P3H3: variants seen among roughly 807,000 people sequenced by gnomAD.
P3H3 encodes prolyl 3-hydroxylase 3, also known as gene rich cluster, B.
In P3H3, 64 loss-of-function variants were observed where a neutral mutation model predicts 78.1. The ratio of observed to expected loss-of-function variants is 0.82; its 90% CI spans 0.67 to 1.01. P3H3 has a LOEUF of 1.01. P3H3 is among the 50% of genes least tolerant of loss of function. P3H3 has a pLI of 0.00. For missense variants in P3H3, 975 were observed against 982.2 expected, an observed-to-expected ratio of 0.99 and a Z score of 0.10; for synonymous variants, 425 against 416.7, an observed-to-expected ratio of 1.02 and a Z score of -0.24.
rs1129649 is a variant in P3H3 at position 6,839,304 on chromosome 12, T to C, written c.2054T>C (p.Ile685Thr). The change falls in exon 15 of 15, where the codon ATA (isoleucine) becomes ACA (threonine). Residue 685 changes from isoleucine to threonine, a missense_variant. Ile to Thr is a moderately conservative substitution (Grantham distance 89). Coordinates refer to ENST00000290510, the MANE Select transcript of P3H3 (RefSeq NM_014262.5). ...TCTCCTCCCCAACCCCAGGAGTGGA[T>C]AGAAGCCAAAGAACTGCTGCAGGAG... is the stretch of plus-strand genomic sequence containing the variant. ...WAPEHREQEW[I>T]EAKELLQESQ... 0.36 allele frequency: 565,647 copies of C among 1,552,430 alleles called. 104,063 individuals carry two copies. The highest frequency in any genetic ancestry group is 0.38 in the African/African-American group (28,002 of 72,908).
rs782038766 is a variant in P3H3, at chr12:6,830,672, G to T, written c.887G>T (p.Arg296Leu). The T allele has an allele frequency of 1.9e-6, 3 of 1,613,258 alleles. No individual in the cohort carries two copies. Among genetic ancestry groups the T allele is most frequent in the East Asian group, 4.5e-5 (2 of 44,890 alleles). Residue 296 changes from arginine (R) to leucine (L), a missense_variant, in exon 4 of 15, where the codon CGC (arginine) becomes CTC (leucine). Physicochemically the swap from Arg to Leu is moderately radical, Grantham distance 102. Coordinates refer to ENST00000290510, the MANE Select transcript of P3H3 (RefSeq NM_014262.5). ...HWIQVLQCRQ[R>L]CVGETATRPG... is the part of the protein sequence containing the mutation. Reference sequence around the variant, plus strand: ...ATTCAGGTCCTGCAGTGCCGGCAACGCTGTGTGGGGGAAACAGCCACACGC... The same window carrying T: ...ATTCAGGTCCTGCAGTGCCGGCAACTCTGTGTGGGGGAAACAGCCACACGC...
chr12:6,836,999 T>A lies in P3H3; in HGVS notation c.1473T>A (p.Ala491=). ...LLQLAKDAAG[A]GARSGYRGRR... Reference sequence around the variant, plus strand: ...TTCCTATTTAGGATGCAGCTGGGGCTGGAGCCAGGTCTGGCTATCGTGGTC... The same window carrying A: ...TTCCTATTTAGGATGCAGCTGGGGCAGGAGCCAGGTCTGGCTATCGTGGTC... The change falls in exon 10 of 15, where the codon GCT becomes GCA. Residue 491 remains alanine, a synonymous_variant. Coordinates refer to ENST00000290510, the MANE Select transcript of P3H3 (RefSeq NM_014262.5). 6.2e-7 allele frequency: 1 copy of A among 1,610,876 alleles called. No individual in the cohort carries two copies. The highest frequency in any genetic ancestry group is 8.5e-7 in the Non-Finnish European group (1 of 1,179,366).
rs1345031698 is a variant in P3H3 at position 6,839,585 on chromosome 12, C to A, written c.*124C>A. ...GAACAGCAAGCTCTCTGTCCCTGCA[C>A]CCCCACCATCTTGGGGACCTACAAG... On this transcript the variant is annotated 3_prime_UTR_variant, in exon 15 of 15. Transcript: ENST00000290510. The A allele has an allele frequency of 1.7e-6, 2 of 1,167,550 alleles. No homozygotes were observed. The highest frequency in any genetic ancestry group is 2.6e-5 in the East Asian group (1 of 38,918). 72.3% of individuals were successfully genotyped at this position (1,167,550 alleles called of 1,614,324 possible). A position where few individuals can be genotyped will look rare whatever the true frequency, so the allele number is the denominator to read the frequency against.
In P3H3 at chr12:6,829,708, C is replaced by A; in HGVS notation, c.499-151C>A. 1 of 745,536 alleles carries A rather than the reference C, an allele frequency of 1.3e-6. No homozygotes were observed. Among genetic ancestry groups the A allele is most frequent in the Non-Finnish European group, 2.3e-6 (1 of 443,756 alleles). 46.2% of individuals were successfully genotyped at this position (745,536 alleles called of 1,614,324 possible). A position where few individuals can be genotyped will look rare whatever the true frequency, so the allele number is the denominator to read the frequency against. On this transcript the variant is annotated intron_variant, in intron 1 of 14. Transcript: ENST00000290510. This position sits in a 1 kb window ranked among gnomAD's most constrained non-coding sequence, Gnocchi z 5.1. Reference sequence around the variant, plus strand: ...TCTGGCCTCTAGGGGATCTGCAGTTCGGGCGGTGGGCGGTTCTGATTGGCC... The same window carrying A: ...TCTGGCCTCTAGGGGATCTGCAGTTAGGGCGGTGGGCGGTTCTGATTGGCC...
Position 6,829,772 on chromosome 12 carries a change from C to A in P3H3, c.499-87C>A. On this transcript the variant is annotated intron_variant, in intron 1 of 14. Transcript: ENST00000290510. The surrounding 1 kb of genome is among the most constrained non-coding windows in gnomAD (Gnocchi z 5.1). ...GCTCTGGGGCACCCAGAGTGTGTGT[C>A]TGGGGTAGGGTGGGGAGGCTGGCCA... 6.9e-7 allele frequency: 1 copy of A among 1,449,504 alleles called. No homozygotes were observed. Among genetic ancestry groups the A allele is most frequent in the Non-Finnish European group, 9.6e-7 (1 of 1,041,846 alleles). The allele number at this position is 1,449,504 out of a possible 1,614,324, so 89.8% of individuals were successfully genotyped here. A position where few individuals can be genotyped will look rare whatever the true frequency, so the allele number is the denominator to read the frequency against.
chr12:6,837,924 G>A, intron 12 of P3H3, 34 bp from the exon 13 acceptor site: 1 of 1,593,720 alleles, frequency 6.3e-7, no homozygotes, highest in Non-Finnish European at 8.5e-7. Context: ...CCTGGGTTGG[G>A]GTCTCACTGC....
rs1347795157 is a variant in P3H3 at position 6,829,668 on chromosome 12, T to G, written c.499-191T>G. 1.6e-6 allele frequency: 1 copy of G among 624,184 alleles called. No homozygotes were observed. Among genetic ancestry groups the G allele is most frequent in the African/African-American group, 1.9e-5 (1 of 53,914 alleles). 38.7% of individuals were successfully genotyped at this position (624,184 alleles called of 1,614,324 possible). On this transcript the variant is annotated intron_variant, in intron 1 of 14. Coordinates refer to ENST00000290510, the MANE Select transcript of P3H3 (RefSeq NM_014262.5). The surrounding 1 kb of genome is among the most constrained non-coding windows in gnomAD (Gnocchi z 5.1). The stretch of plus-strand genomic sequence containing the variant: ...CCCCTTTCCCTCGGTGCCAGCCTTC[T>G]GAGAGTCCCAACGTTCTGGCCTCTA...
Position 6,831,289 on chromosome 12 carries a change from G to A in P3H3, c.1059G>A (p.Lys353=). 1 of 1,613,910 alleles carries A rather than the reference G, an allele frequency of 6.2e-7. No individual in the cohort carries two copies. The highest frequency in any genetic ancestry group is 8.5e-7 in the Non-Finnish European group (1 of 1,179,844). ...TCTACCCGGAGGATGAGGCTGCCAA[G>A]AGGGCTCTGAACCAGTACCAGGCCC... The part of the protein sequence containing the change: ...LLFYPEDEAA[K]RALNQYQAQL... Residue 353 remains lysine, a synonymous_variant, in exon 5 of 15, where the codon AAG becomes AAA. Transcript: ENST00000290510. This position sits in a 1 kb window ranked among gnomAD's most constrained non-coding sequence, Gnocchi z 4.6.
At position 6,828,420 on chromosome 12, in the gene P3H3, G is replaced by A. The variant is rs782472860; in HGVS notation, c.-21G>A. 10 of 528,312 alleles carry A rather than the reference G, an allele frequency of 1.9e-5. No individual in the cohort carries two copies. The South Asian group carries it at 2.5e-4, about 13-fold the overall frequency. The allele number at this position is 528,312 out of a possible 1,614,324, so 32.7% of individuals were successfully genotyped here. A position where few individuals can be genotyped will look rare whatever the true frequency, so the allele number is the denominator to read the frequency against. On this transcript the variant is annotated 5_prime_UTR_variant, in exon 1 of 15. Coordinates refer to ENST00000290510, the MANE Select transcript of P3H3 (RefSeq NM_014262.5). ...CTCTCGGCTCCCGCATTTCCCCTCG[G>A]CTGCCGGCGGCTCCGACATCATGCT...
Position 6,839,538 on chromosome 12 carries a change from C to T in P3H3, c.*77C>T, listed in dbSNP as rs1943539726. On this transcript the variant is annotated 3_prime_UTR_variant, in exon 15 of 15. Coordinates refer to ENST00000290510, the MANE Select transcript of P3H3 (RefSeq NM_014262.5). ...TCTTGATGCCAGGACACACAGGAAG[C>T]CCCTGTGTGACATCAGGAGCAGAAC... 4 of 1,466,012 alleles carry T rather than the reference C, an allele frequency of 2.7e-6. No individual in the cohort carries two copies. Among genetic ancestry groups the T allele is most frequent in the Non-Finnish European group, 3.7e-6 (4 of 1,093,184 alleles). 90.8% of individuals were successfully genotyped at this position (1,466,012 alleles called of 1,614,324 possible).
Position 6,837,871 on chromosome 12 carries a change from C to T in P3H3, c.1829+22C>T, listed in dbSNP as rs782514960. 11 of 1,598,900 alleles carry T rather than the reference C, an allele frequency of 6.9e-6. 1 individual carries two copies. The South Asian group carries it at 1.2e-4, about 18-fold the overall frequency. ...ACAGGTGGGCAGCCCCTCTAGTGGT[C>T]AGGCAGGTGGGCAGACAAAGGTCAT... On this transcript the variant is annotated intron_variant, in intron 12 of 14. Coordinates refer to ENST00000290510, the MANE Select transcript of P3H3 (RefSeq NM_014262.5).
chr12:6,837,922 G>A (rs1555122468), intron 12 of P3H3, 36 bp from the exon 13 acceptor site: 2 of 1,593,332 alleles, frequency 1.3e-6, no homozygotes, highest in South Asian at 2.3e-5. Flanking sequence ...GGCCTGGGTT[G>A]GGGTCTCACT....
rs1314926002 is a variant in P3H3, at chr12:6,829,047, G to C, written c.498+109G>C. 2.9e-6 allele frequency: 2 copies of C among 687,482 alleles called. No individual in the cohort carries two copies. The highest frequency in any genetic ancestry group is 4.3e-5 in the Admixed American group (1 of 23,036). 42.6% of individuals were successfully genotyped at this position (687,482 alleles called of 1,614,324 possible). A position where few individuals can be genotyped will look rare whatever the true frequency, so the allele number is the denominator to read the frequency against. ...ATGCTGTTGCCCGGGCCCCGCACGG[G>C]GCTGGGGAGCGTACCGCGGGCCTCT... On this transcript the variant is annotated intron_variant, in intron 1 of 14. Transcript: ENST00000290510. The surrounding 1 kb of genome is among the most constrained non-coding windows in gnomAD (Gnocchi z 5.1).
rs781967542 is a variant in P3H3 at position 6,833,942 on chromosome 12, GGTGT to G, written c.1353_1356del (p.Val452ProfsTer2). The G allele has an allele frequency of 1.2e-6, 2 of 1,613,962 alleles. No homozygotes were observed. Among genetic ancestry groups the G allele is most frequent in the South Asian group, 2.2e-5 (2 of 91,082 alleles). ...CCTGGCAGATGTCCTTCTCCTGGAG[GGTGT>G]GACCTTGACCCAGGATTCCAGGCAG... On this transcript the variant is annotated frameshift_variant, in exon 9 of 15. Coordinates refer to ENST00000290510, the MANE Select transcript of P3H3 (RefSeq NM_014262.5). LOFTEE classifies it high-confidence loss of function.
Position 6,837,782 on chromosome 12 carries a change from T to C in P3H3, c.1762T>C (p.Cys588Arg), listed in dbSNP as rs782522423. 5 of 1,613,378 alleles carry C rather than the reference T, an allele frequency of 3.1e-6. No individual in the cohort carries two copies. Among genetic ancestry groups the C allele is most frequent in the Non-Finnish European group, 4.2e-6 (5 of 1,179,744 alleles). The change falls in exon 12 of 15, where the codon TGC (cysteine) becomes CGC (arginine). Residue 588 changes from cysteine to arginine, a missense_variant. By Grantham distance (180) the Cys-to-Arg change is radical. Coordinates refer to ENST00000290510, the MANE Select transcript of P3H3 (RefSeq NM_014262.5). The part of the protein sequence containing the change: ...DLSHPVHADN[C>R]VLDPDTGECW... ...GAGTCACCCAGTGCACGCAGACAACTGCGTCCTGGACCCTGACACGGGAGA... is the reference window on the plus strand; with the variant it reads ...GAGTCACCCAGTGCACGCAGACAACCGCGTCCTGGACCCTGACACGGGAGA...
chr12:6,833,862 G>C lies in P3H3; in HGVS notation c.1333+53G>C, dbSNP rs140910501. 41 of 1,613,538 alleles carry C rather than the reference G, an allele frequency of 2.5e-5. No individual in the cohort carries two copies. The African/African-American group carries it at 4.1e-4, about 16-fold the overall frequency. On this transcript the variant is annotated intron_variant, in intron 8 of 14. Coordinates refer to ENST00000290510, the MANE Select transcript of P3H3 (RefSeq NM_014262.5). The stretch of plus-strand genomic sequence containing the variant: ...AGCCTGGAGGGTCTGGGGGCTGCCA[G>C]CTACTGCTCTGCCTGCCCTTAGGGG...
rs1555121119 is a variant in P3H3, at chr12:6,830,349, A to G, written c.652-4A>G. ...AGGTGACTGACTGCTCCCTTCCCCA[A>G]CAGGCAGCCTATGACACTGGCCTGG... On this transcript the variant is annotated splice_region_variant and splice_polypyrimidine_tract_variant and intron_variant, in intron 2 of 14. Coordinates refer to ENST00000290510, the MANE Select transcript of P3H3 (RefSeq NM_014262.5). The G allele has an allele frequency of 1.3e-6, 2 of 1,573,806 alleles. No homozygotes were observed. The highest frequency in any genetic ancestry group is 1.4e-5 in the African/African-American group (1 of 73,928).
chr12:6,837,036 C>G lies in P3H3; in HGVS notation c.1510C>G (p.His504Asp). ...TGGCTATCGTGGTCGCCGCTCCCCT[C>G]ACACCCCCCATGAACGCTTCGAGGG... ...RSGYRGRRSP[H>D]TPHERFEGLT... is the part of the protein sequence containing the mutation. The change falls in exon 10 of 15, where the codon CAC (histidine) becomes GAC (aspartate). Residue 504 changes from histidine to aspartate, a missense_variant. By Grantham distance (81) the His-to-Asp change is moderately conservative. Transcript: ENST00000290510. The G allele has an allele frequency of 3.1e-6, 5 of 1,608,748 alleles. No individual in the cohort carries two copies. Among genetic ancestry groups the G allele is most frequent in the Non-Finnish European group, 4.2e-6 (5 of 1,179,804 alleles).
Position 6,829,552 on chromosome 12 carries a change from C to A in P3H3, c.499-307C>A. On this transcript the variant is annotated intron_variant, in intron 1 of 14. Transcript: ENST00000290510. The surrounding 1 kb of genome is among the most constrained non-coding windows in gnomAD (Gnocchi z 5.1). ...GCTGAGGTCTCCCCCACTTCCCCACCTCACTTAAGCCATCACTTCCACCTG... is the reference window on the plus strand; with the variant it reads ...GCTGAGGTCTCCCCCACTTCCCCACATCACTTAAGCCATCACTTCCACCTG... 2.6e-6 allele frequency: 1 copy of A among 386,592 alleles called. No individual in the cohort carries two copies. The highest frequency in any genetic ancestry group is 4.7e-6 in the Non-Finnish European group (1 of 211,368). 23.9% of individuals were successfully genotyped at this position (386,592 alleles called of 1,614,324 possible). A position where few individuals can be genotyped will look rare whatever the true frequency, so the allele number is the denominator to read the frequency against.
Sources: allele counts gnomAD v4.1 joint callset, GRCh38; gene constraint gnomAD v4.1.1; non-coding constraint Gnocchi (gnomAD v3.1); transcripts MANE v1.5; gene names NCBI Gene and HGNC (gene_info 2026-07-23, HGNC 2026-07-21).